Variants in FAT3 observed in about 807,000 individuals in gnomAD.
FAT3 encodes the protein FAT atypical cadherin 3.
Under a neutral mutation model 310.2 loss-of-function variants are expected in FAT3, and 95 were observed. The observed-to-expected ratio is 0.31, with a 90% CI of 0.26 to 0.36. The LOEUF is 0.36. FAT3 is among the 10% of genes least tolerant of loss of function. The probability of loss-of-function intolerance (pLI) is 1.00; values close to 1 mark genes in which losing one functional copy is unlikely to be tolerated. For missense variants in FAT3, 5,408 were observed against 5,715.6 expected (o/e 0.95, Z 1.74); for synonymous variants, 2,314 against 2,192.9 (o/e 1.06, Z -1.54).
At chr11:92,278,502 AT>A (rs1591044720) in intron 1 of FAT3, among the ~76,000 whole-genome samples, 1 of 152,072 alleles carries the variant, frequency 6.6e-6, no homozygotes, top group Non-Finnish European at 1.5e-5. Flanking sequence ...TGGTGGTTAA[AT>A]CTAGAAATCT....
At chr11:92,485,614 C>T (rs547344923) in intron 2 of FAT3, among the ~76,000 whole-genome samples, 3 of 152,264 alleles carry the variant, frequency 2.0e-5, no homozygotes, top group South Asian at 2.1e-4. Flanking sequence ...GGGATGTATA[C>T]ATTATGTGAA....
At chr11:92,684,638 C>G (rs1452444206) in intron 3 of FAT3, among the ~76,000 whole-genome samples, 2 of 152,078 alleles carry the variant, frequency 1.3e-5, no homozygotes, top group Non-Finnish European at 2.9e-5. Context: ...ATGTAACACT[C>G]AACAAATGAT....
chr11:92,551,710 A>G (rs1163267231), intron 3 of FAT3, among the ~76,000 whole-genome samples: 2 of 152,148 alleles, frequency 1.3e-5, no homozygotes, highest in African/African-American at 4.8e-5. Context: ...ATATATTTAG[A>G]CTAAAATTTT....
At chr11:92,585,268 T>C (rs1398204142) in intron 3 of FAT3, among the ~76,000 whole-genome samples, 2 of 152,040 alleles carry the variant, frequency 1.3e-5, no homozygotes, top group Non-Finnish European at 2.9e-5. Context: ...ATCAATTTAA[T>C]TTTACACTTT....
intron 1 of FAT3, among the ~76,000 whole-genome samples, chr11:92,278,935 T>C (rs561682943): frequency 1.3e-5 from 2 of 152,114 alleles, no homozygotes; most frequent in Admixed American, 1.3e-4. Context: ...ACAGCATGAG[T>C]GGCTTCTCCT....
intron 3 of FAT3, among the ~76,000 whole-genome samples, chr11:92,609,112 G>A (rs1199777038): frequency 6.6e-6 from 1 of 152,190 alleles, no homozygotes; most frequent in Non-Finnish European, 1.5e-5. Flanking sequence ...CATTTACAAA[G>A]CAAAGAGGTG....
intron 3 of FAT3, among the ~76,000 whole-genome samples, chr11:92,626,621 G>C (rs912956523): frequency 3.9e-5 from 6 of 152,132 alleles, no homozygotes; most frequent in African/African-American, 1.2e-4. Flanking sequence ...AGTGTATCCA[G>C]AATGAACTGG....
intron 4 of FAT3, among the ~76,000 whole-genome samples, chr11:92,749,929 C>T (rs951417841): frequency 6.6e-6 from 1 of 152,128 alleles, no homozygotes; most frequent in Non-Finnish European, 1.5e-5. Flanking sequence ...ACAGGGCGTC[C>T]TAACATTTTA....
At chr11:92,520,938 A>T (rs984494787) in intron 2 of FAT3, among the ~76,000 whole-genome samples, 5 of 152,148 alleles carry the variant, frequency 3.3e-5, no homozygotes, top group African/African-American at 1.2e-4. Flanking sequence ...CTTCATTAAG[A>T]GTAAAATAAG....
rs1040030927 is a variant in FAT3, at chr11:92,763,167, A to C, written c.3984+997A>C. ...GAGCAAGACTCTGTCTCAAAAAAAA[A>C]AAAGGCACCATCCACCACTCTTTTC... On this transcript the variant is annotated intron_variant, in intron 5 of 27. Transcript: ENST00000525166. Among the ~76,000 whole-genome samples, 68 of 151,690 alleles carry C rather than the reference A, an allele frequency of 4.5e-4. 1 individual carries two copies. Among genetic ancestry groups the C allele is most frequent in the Non-Finnish European group, 8.0e-4 (54 of 67,888 alleles).
chr11:92,329,584 C>G (rs1778166627), intron 1 of FAT3, among the ~76,000 whole-genome samples: 2 of 151,234 alleles, frequency 1.3e-5, no homozygotes, highest in African/African-American at 4.9e-5. Context: ...TTCTGCTAGT[C>G]ACGTGGAATA....
intron 13 of FAT3, among the ~76,000 whole-genome samples, chr11:92,822,934 G>A (rs17543864): frequency 0.26 from 39,987 of 151,988 alleles, 5,804 homozygotes; most frequent in Non-Finnish European, 0.33. Context: ...CTTTCTTCTT[G>A]TCACTCTTCC....
intron 4 of FAT3, among the ~76,000 whole-genome samples, chr11:92,746,957 A>G (rs185342570): frequency 7.7e-4 from 117 of 152,226 alleles, no homozygotes; most frequent in African/African-American, 2.7e-3. Context: ...CTCCCTCCTG[A>G]CTGCTTTCAT....
At chr11:92,325,147 G>T (rs989936717) in intron 1 of FAT3, among the ~76,000 whole-genome samples, 1 of 152,174 alleles carries the variant, frequency 6.6e-6, no homozygotes, top group East Asian at 1.9e-4. Flanking sequence ...AGTCATTAAG[G>T]TACAATTATG....
At chr11:92,761,664 G>A (rs933712761) in intron 4 of FAT3, among the ~76,000 whole-genome samples, 192 bp from the exon 5 acceptor site, 5 of 152,040 alleles carry the variant, frequency 3.3e-5, no homozygotes, top group Non-Finnish European at 5.9e-5. Flanking sequence ...TGGGCAGTTA[G>A]AGCATCAATA....
At chr11:92,509,226 C>A (rs904899618) in intron 2 of FAT3, among the ~76,000 whole-genome samples, 1 of 151,970 alleles carries the variant, frequency 6.6e-6, no homozygotes, top group Non-Finnish European at 1.5e-5. Context: ...AATCTTATAA[C>A]GATTTAATCA....
rs1565573835 is a variant in FAT3 at position 92,762,174 on chromosome 11, A to G, written c.3984+4A>G. The G allele has an allele frequency of 1.2e-6, 2 of 1,604,516 alleles. No homozygotes were observed. On this transcript the variant is annotated splice_donor_region_variant and intron_variant, in intron 5 of 27. Coordinates refer to ENST00000525166, the MANE Select transcript of FAT3 (RefSeq NM_001367949.2). ...AGGCAGTTATGACATCCTAACGGTAAGATCTTCCAAACTCCAGCAGCACAG... is the reference window on the plus strand; with the variant it reads ...AGGCAGTTATGACATCCTAACGGTAGGATCTTCCAAACTCCAGCAGCACAG...
At position 92,266,311 on chromosome 11, in the gene FAT3, A is replaced by G. The variant is rs1161127102; in HGVS notation, c.-18+41137A>G. ...AAAAAGTGTCTAAATACCCTCGACA[A>G]TGTATTTTCTCTTTAGTATGGGCAG... On this transcript the variant is annotated intron_variant, in intron 1 of 27. Coordinates refer to ENST00000525166, the MANE Select transcript of FAT3 (RefSeq NM_001367949.2). Among the ~76,000 whole-genome samples the G allele has an allele frequency of 7.2e-5, 11 of 152,124 alleles. No individual in the cohort carries two copies. The East Asian group carries it at 9.6e-4, about 13-fold the overall frequency.
In FAT3 at chr11:92,890,610, G is replaced by T. The variant is rs866227424; in HGVS notation, c.13267G>T (p.Glu4423Ter). ...ACACCAGGGGAGCACACGGGAGCTG[G>T]AGAGCGATTACTACCTGGGTGGTTA... ...SAHQGSTREL[E>*]SDYYLGGYDI... The change falls in exon 28 of 28, where the codon GAG (glutamate) becomes TAG (stop). Residue 4423 changes from glutamate to a stop codon, truncating the protein, a stop_gained. Coordinates refer to ENST00000525166, the MANE Select transcript of FAT3 (RefSeq NM_001367949.2). LOFTEE classifies it high-confidence loss of function. The T allele has an allele frequency of 6.2e-7, 1 of 1,613,656 alleles. No homozygotes were observed. The highest frequency in any genetic ancestry group is 1.7e-5 in the Admixed American group (1 of 59,978).
Sources: allele counts gnomAD v4.1 joint callset (sites outside exome capture counted in the v4.1 genomes callset), GRCh38; gene constraint gnomAD v4.1.1; transcripts MANE v1.5; gene names NCBI Gene and HGNC (gene_info 2026-07-23, HGNC 2026-07-21).